Variants in LMX1A observed in about 807,000 individuals in gnomAD.
LMX1A encodes the protein LIM homeobox transcription factor 1 alpha, also known as LIM homeobox transcription factor 1-alpha.
Under a neutral mutation model 49.1 loss-of-function variants are expected in LMX1A, and 15 were observed. The ratio of observed to expected loss-of-function variants is 0.31; its 90% CI spans 0.20 to 0.47. LMX1A has a LOEUF of 0.47. Among genes scored for constraint, LMX1A ranks in the 20% least tolerant of loss-of-function variants. LMX1A has a pLI of 1.00. For missense variants in LMX1A, 372 were observed against 475.8 expected, an observed-to-expected ratio of 0.78 and a Z score of 2.03; for synonymous variants, 167 against 185.7, an observed-to-expected ratio of 0.90 and a Z score of 0.82.
chr1:165,292,061 C>CAAA lies in LMX1A; in HGVS notation c.264-42424_264-42422dup, dbSNP rs771664986. ...TGGGCGACAGAGCGAAACTCCGTCT[C>CAAA]AAAAAAAAAAAAAAAAAAAAAAAAC... is the stretch of plus-strand genomic sequence containing the variant. On this transcript the variant is annotated intron_variant, in intron 3 of 8. Transcript: ENST00000342310. 3.9e-3 allele frequency among the ~76,000 whole-genome samples: 321 copies of CAAA among 82,286 alleles called. 3 individuals carry two copies. The highest frequency in any genetic ancestry group is 5.1e-3 in the Non-Finnish European group (223 of 43,590). 54.0% of individuals were successfully genotyped at this position (82,286 alleles called of 152,430 possible).
At chr1:165,327,337 CT>C (rs1655618207) in intron 3 of LMX1A, among the ~76,000 whole-genome samples, 1 of 152,192 alleles carries the variant, frequency 6.6e-6, no homozygotes, top group Non-Finnish European at 1.5e-5. Flanking sequence ...CAAGCAGAGG[CT>C]CAAGCCATGT....
chr1:165,327,834 T>C (rs184312534), intron 3 of LMX1A, among the ~76,000 whole-genome samples: 3 of 152,364 alleles, frequency 2.0e-5, no homozygotes, highest in African/African-American at 7.2e-5. Context: ...AATTAAAAGC[T>C]GTGAAAGCAG....
At chr1:165,211,605 G>A (rs1302468551) in intron 5 of LMX1A, among the ~76,000 whole-genome samples, 1 of 152,222 alleles carries the variant, frequency 6.6e-6, no homozygotes, top group Non-Finnish European at 1.5e-5. Context: ...GCAAATGGAA[G>A]CCTTGAGAAA....
intron 3 of LMX1A, among the ~76,000 whole-genome samples, 197 bp from the exon 4 acceptor site, chr1:165,249,837 A>C (rs1219110420): frequency 1.3e-5 from 2 of 152,216 alleles, no homozygotes; most frequent in African/African-American, 4.8e-5. Flanking sequence ...CAAAGGCTTA[A>C]GAAGGGTGTC....
intron 3 of LMX1A, among the ~76,000 whole-genome samples, chr1:165,299,314 C>T (rs772632393): frequency 1.8e-4 from 27 of 152,320 alleles, no homozygotes; most frequent in Non-Finnish European, 2.6e-4. Context: ...AGGAGTCCAG[C>T]GCCCCTCCAT....
chr1:165,249,021 G>T (rs1652957041), intron 4 of LMX1A, among the ~76,000 whole-genome samples: 1 of 152,180 alleles, frequency 6.6e-6, no homozygotes, highest in Non-Finnish European at 1.5e-5. Flanking sequence ...CTGGATCCTG[G>T]AATGAATGGC....
At position 165,355,564 on chromosome 1, in the gene LMX1A, G is replaced by A. The variant is rs375965709; in HGVS notation, c.-5C>T. On this transcript the variant is annotated 5_prime_UTR_variant, in exon 2 of 9. Coordinates refer to ENST00000342310, the MANE Select transcript of LMX1A (RefSeq NM_177398.4). The surrounding 1 kb of genome is among the most constrained non-coding windows in gnomAD (Gnocchi z 4.7). The stretch of plus-strand genomic sequence containing the variant: ...CATCTTTAGGCCGTCCAGCATGTTC[G>A]GGCCGGGCCGGGAGGACCTGTAGAG... The A allele has an allele frequency of 5.0e-6, 8 of 1,613,254 alleles. No homozygotes were observed. The East Asian group carries it at 6.7e-5, about 13-fold the overall frequency.
chr1:165,343,727 A>T (rs1428940814), intron 3 of LMX1A, among the ~76,000 whole-genome samples: 2 of 152,202 alleles, frequency 1.3e-5, no homozygotes, highest in East Asian at 3.9e-4. Flanking sequence ...AATAAAGCCC[A>T]TAAGAAAAAA....
intron 4 of LMX1A, among the ~76,000 whole-genome samples, chr1:165,243,015 G>C (rs1294363990): frequency 2.7e-5 from 4 of 150,646 alleles, no homozygotes; most frequent in African/African-American, 9.8e-5. Context: ...ATGGATAAAA[G>C]TCATTAATGA....
At chr1:165,283,144 AT>A (rs1465775171) in intron 3 of LMX1A, among the ~76,000 whole-genome samples, 2 of 152,180 alleles carry the variant, frequency 1.3e-5, no homozygotes, top group Non-Finnish European at 2.9e-5. Flanking sequence ...ATAATACCAT[AT>A]TTTTACTGTA....
At chr1:165,237,140 A>G (rs1021135836) in intron 4 of LMX1A, among the ~76,000 whole-genome samples, 2 of 152,186 alleles carry the variant, frequency 1.3e-5, no homozygotes, top group Admixed American at 1.3e-4. Flanking sequence ...GCAAATTCCT[A>G]TGGATGGAAC....
At chr1:165,281,740 G>GTGTA (rs1553208513) in intron 3 of LMX1A, among the ~76,000 whole-genome samples, 10 of 142,806 alleles carry the variant, frequency 7.0e-5, no homozygotes, top group African/African-American at 2.5e-4. Context: ...TTGTGTGTGT[G>GTGTA]TGTGTATGTG....
chr1:165,213,254 C>T (rs12040140), intron 5 of LMX1A: 46,164 of 171,380 alleles, frequency 0.27, 7,010 homozygotes, highest in East Asian at 0.57. Context: ...CCCCAAACCA[C>T]CACACCAAGT....
Position 165,355,006 on chromosome 1 carries a change from A to C in LMX1A, c.76+478T>G, listed in dbSNP as rs762945171. 2.0e-5 allele frequency among the ~76,000 whole-genome samples: 3 copies of C among 152,146 alleles called. No homozygotes were observed. The highest frequency in any genetic ancestry group is 7.2e-5 in the African/African-American group (3 of 41,454). ...GTCTAATCCCCGCGCTGCGTTGCCT[A>C]CTGGCCCAGAAAAGTCTCTCTCGGC... On this transcript the variant is annotated intron_variant, in intron 2 of 8. Coordinates refer to ENST00000342310, the MANE Select transcript of LMX1A (RefSeq NM_177398.4). This position sits in a 1 kb window ranked among gnomAD's most constrained non-coding sequence, Gnocchi z 4.7.
chr1:165,350,793 C>T (rs1484828964), intron 3 of LMX1A, among the ~76,000 whole-genome samples: 3 of 152,150 alleles, frequency 2.0e-5, no homozygotes, highest in African/African-American at 7.2e-5. Context: ...AGGACAAAAA[C>T]CTCAATTCTG....
intron 3 of LMX1A, among the ~76,000 whole-genome samples, chr1:165,331,490 C>T (rs1655740655): frequency 6.6e-6 from 1 of 152,094 alleles, no homozygotes; most frequent in African/African-American, 2.4e-5. Flanking sequence ...GGCTACTAGG[C>T]TGTAGAATTC....
chr1:165,303,276 C>T (rs1005332840), intron 3 of LMX1A, among the ~76,000 whole-genome samples: 4 of 152,170 alleles, frequency 2.6e-5, no homozygotes, highest in Non-Finnish European at 5.9e-5. Flanking sequence ...GGACCTGCTC[C>T]CTGTGCTTCC....
intron 3 of LMX1A, among the ~76,000 whole-genome samples, chr1:165,294,947 G>C (rs1006384386): frequency 2.0e-5 from 3 of 152,104 alleles, no homozygotes; most frequent in African/African-American, 7.2e-5. Context: ...CTGGGTGACA[G>C]AGCAAGACTC....
At chr1:165,324,880 T>C (rs924641192) in intron 3 of LMX1A, among the ~76,000 whole-genome samples, 1 of 152,244 alleles carries the variant, frequency 6.6e-6, no homozygotes, top group Non-Finnish European at 1.5e-5. Flanking sequence ...GCCAGCTTTC[T>C]TCTTTGTGCT....
Sources: allele counts gnomAD v4.1 joint callset (sites outside exome capture counted in the v4.1 genomes callset), GRCh38; gene constraint gnomAD v4.1.1; non-coding constraint Gnocchi (gnomAD v3.1); transcripts MANE v1.5; gene names NCBI Gene and HGNC (gene_info 2026-07-23, HGNC 2026-07-21).